The following HDAC4 variants were observed in gnomAD, a reference collection of about 807,000 sequenced individuals.
HDAC4 encodes histone deacetylase A.
HDAC4 carries 16 observed loss-of-function variants against 135.1 expected under a neutral mutation model. The observed-to-expected ratio is 0.12, with a 90% confidence interval of 0.08 to 0.18. The LOEUF is 0.18. Ranked by LOEUF, HDAC4 falls within the 10% of genes least tolerant of loss-of-function variation. The pLI, the probability that HDAC4 is intolerant of heterozygous loss-of-function variation, is 1.00. For synonymous variants in HDAC4, 685 were observed against 653.4 expected (o/e 1.05, Z -0.74); for missense variants, 1,143 against 1,511.8 (o/e 0.76, Z 4.05).
intron 1 of HDAC4, among the ~76,000 whole-genome samples, chr2:239,395,367 G>A (rs1454740025): frequency 3.3e-5 from 5 of 152,160 alleles, no homozygotes; most frequent in Non-Finnish European, 7.3e-5. Context: ...TGTAGGATGG[G>A]CTGTAGCAGA....
At chr2:239,346,621 AAC>A (rs199791016) in intron 2 of HDAC4, among the ~76,000 whole-genome samples, 14 of 135,936 alleles carry the variant, frequency 1.0e-4, no homozygotes, top group South Asian at 6.7e-4. Flanking sequence ...TACACACCTT[AAC>A]ACACACACAC....
At chr2:239,178,631 G>A (rs1043698008) in intron 4 of HDAC4, among the ~76,000 whole-genome samples, 8 of 152,184 alleles carry the variant, frequency 5.3e-5, no homozygotes, top group African/African-American at 1.7e-4. Context: ...TGATCCTCCC[G>A]CCTTAGCTTC....
At chr2:239,055,156 G>C in intron 24 of HDAC4, 1 of 344,734 alleles carries the variant, frequency 2.9e-6, no homozygotes, top group Non-Finnish European at 5.6e-6. Context: ...GTTCCATGAG[G>C]GGGAGTGACG....
chr2:239,358,344 G>C (rs549840032), intron 1 of HDAC4, among the ~76,000 whole-genome samples: 1 of 152,208 alleles, frequency 6.6e-6, no homozygotes, highest in East Asian at 1.9e-4. Flanking sequence ...AGCGCCGGCC[G>C]TCGGGAGCTC....
Position 239,125,418 on chromosome 2 carries a change from C to T in HDAC4, c.1533+1038G>A, listed in dbSNP as rs376921552. On this transcript the variant is annotated intron_variant, in intron 12 of 26. Coordinates refer to ENST00000543185, the MANE Select transcript of HDAC4 (RefSeq NM_001378414.1). ...TCCCCAGAAGCAGAGGCCAACACCA[C>T]GCTTCCTCTACAGCCTGCAGAACCA... Among the ~76,000 whole-genome samples the T allele has an allele frequency of 6.6e-5, 10 of 152,316 alleles. 1 individual carries two copies. The highest frequency in any genetic ancestry group is 2.1e-4 in the South Asian group (1 of 4,822).
chr2:239,053,151 AGAGAAG>A lies in HDAC4; in HGVS notation c.3231-21_3231-16del. ...CCTCATCTGGTCTGTGGATCCCGCAAGAGAAGGAGATGGGGGCGTGGGGCAGGTGCA... is the reference window on the plus strand; with the variant it reads ...CCTCATCTGGTCTGTGGATCCCGCAAGAGATGGGGGCGTGGGGCAGGTGCA... On this transcript the variant is annotated splice_polypyrimidine_tract_variant and intron_variant, in intron 26 of 26. Coordinates refer to ENST00000543185, the MANE Select transcript of HDAC4 (RefSeq NM_001378414.1). 2 of 1,614,108 alleles carry A rather than the reference AGAGAAG, an allele frequency of 1.2e-6. No individual in the cohort carries two copies. The highest frequency in any genetic ancestry group is 1.7e-6 in the Non-Finnish European group (2 of 1,179,986).
chr2:239,315,182 GT>G (rs994181801), intron 2 of HDAC4, among the ~76,000 whole-genome samples: 6 of 152,218 alleles, frequency 3.9e-5, no homozygotes, highest in African/African-American at 1.4e-4. Flanking sequence ...GTTGTCCCGC[GT>G]TTCTGGACTG....
At chr2:239,246,521 G>A (rs940793677) in intron 2 of HDAC4, among the ~76,000 whole-genome samples, 4 of 151,800 alleles carry the variant, frequency 2.6e-5, no homozygotes, top group African/African-American at 9.7e-5. Context: ...GGGCCGGCCA[G>A]GCGCTGGCTG....
At chr2:239,087,271 G>A (rs2036065354) in intron 19 of HDAC4, among the ~76,000 whole-genome samples, 3 of 152,328 alleles carry the variant, frequency 2.0e-5, no homozygotes, top group African/African-American at 7.2e-5. Flanking sequence ...CCTCTCCCAA[G>A]TGTTGACAAC....
In HDAC4 at chr2:239,140,327, C is replaced by T. The variant is rs145394354; in HGVS notation, c.866-531G>A. On this transcript the variant is annotated intron_variant, in intron 8 of 26. Transcript: ENST00000543185. ...TCCGTGCTACTGGAAAACACACGCT[C>T]GGACAGTCTTAGAGGATCTTTAACC... is the stretch of plus-strand genomic sequence containing the variant. Among the ~76,000 whole-genome samples, 1,277 of 152,248 alleles carry T rather than the reference C, an allele frequency of 8.4e-3. 10 individuals carry two copies. Among genetic ancestry groups the T allele is most frequent in the Non-Finnish European group, 0.013 (902 of 68,008 alleles).
intron 24 of HDAC4, among the ~76,000 whole-genome samples, chr2:239,062,319 C>A (rs1332814753): frequency 6.6e-6 from 1 of 152,266 alleles, no homozygotes; most frequent in African/African-American, 2.4e-5. Context: ...CAACAGGGTC[C>A]CCGCAGGCCA....
intron 2 of HDAC4, among the ~76,000 whole-genome samples, chr2:239,314,136 A>G (rs549690865): frequency 1.3e-5 from 2 of 152,300 alleles, no homozygotes; most frequent in South Asian, 4.1e-4. Context: ...CTGCAAACAC[A>G]GGCATGTCCC....
At position 239,262,870 on chromosome 2, in the gene HDAC4, C is replaced by T. The variant is rs2049456177; in HGVS notation, c.23-26206G>A. ...GCTGGTGCCCTGGTGAGCAGGAGAG[C>T]GTGAGGCTCTAAGGAGTGGATCCCT... On this transcript the variant is annotated intron_variant, in intron 2 of 26. Transcript: ENST00000543185. This position sits in a 1 kb window ranked among gnomAD's most constrained non-coding sequence, Gnocchi z 4.1. 1.3e-5 allele frequency among the ~76,000 whole-genome samples: 2 copies of T among 152,132 alleles called. No individual in the cohort carries two copies. Among genetic ancestry groups the T allele is most frequent in the Non-Finnish European group, 2.9e-5 (2 of 68,022 alleles).
intron 13 of HDAC4, 58 bp from the exon 14 acceptor site, chr2:239,111,770 A>T: frequency 6.8e-7 from 1 of 1,466,366 alleles, no homozygotes; most frequent in Non-Finnish European, 9.3e-7. Context: ...CCTGGGCTGC[A>T]GGGCTAGGGG....
chr2:239,282,540 T>A (rs1335723726), intron 2 of HDAC4, among the ~76,000 whole-genome samples: 1 of 121,798 alleles, frequency 8.2e-6, no homozygotes, highest in Non-Finnish European at 1.7e-5. Flanking sequence ...TACACACCAC[T>A]CTCAATGTAC....
At chr2:239,340,063 C>G (rs1261810394) in intron 2 of HDAC4, among the ~76,000 whole-genome samples, 1 of 152,176 alleles carries the variant, frequency 6.6e-6, no homozygotes, top group Non-Finnish European at 1.5e-5. Context: ...ACCCCAGATA[C>G]CCTCCTAGTT....
intron 24 of HDAC4, among the ~76,000 whole-genome samples, chr2:239,064,894 CACAG>C (rs1288918472): frequency 6.6e-6 from 1 of 152,236 alleles, no homozygotes; most frequent in Non-Finnish European, 1.5e-5. Context: ...TGAGGCCACT[CACAG>C]ACAGTGGGCC....
chr2:239,233,244 A>G (rs1295648638), intron 3 of HDAC4, among the ~76,000 whole-genome samples: 1 of 152,246 alleles, frequency 6.6e-6, no homozygotes. Context: ...TGAAGAAATC[A>G]AAGTTGATCT....
intron 2 of HDAC4, among the ~76,000 whole-genome samples, chr2:239,244,949 C>G (rs2048386116): frequency 6.6e-6 from 1 of 152,222 alleles, no homozygotes; most frequent in Non-Finnish European, 1.5e-5. Context: ...CCACTAGATT[C>G]TGCTTTTCCC....
Sources: allele counts gnomAD v4.1 joint callset (sites outside exome capture counted in the v4.1 genomes callset), GRCh38; gene constraint gnomAD v4.1.1; non-coding constraint Gnocchi (gnomAD v3.1); transcripts MANE v1.5; gene names NCBI Gene and HGNC (gene_info 2026-07-23, HGNC 2026-07-21).